The following ANK3 variants were observed in gnomAD, a reference collection of about 807,000 sequenced individuals.
ANK3 encodes the protein ankyrin 3.
In ANK3, 57 loss-of-function variants were observed where a neutral mutation model predicts 370.9. The observed-to-expected ratio is 0.15, with a 90% CI of 0.12 to 0.19. The LOEUF (loss-of-function observed/expected upper bound fraction) is 0.19. Ranked by LOEUF, ANK3 falls within the 10% of genes least tolerant of loss-of-function variation. The pLI is 1.00. For synonymous variants in ANK3, 1,929 were observed against 1,946.3 expected (o/e 0.99, Z 0.23); for missense variants, 4,439 against 5,302.1 (o/e 0.84, Z 5.06).
At chr10:60,118,149 T>C (rs1271165523) in intron 25 of ANK3, among the ~76,000 whole-genome samples, 2 of 152,150 alleles carry the variant, frequency 1.3e-5, no homozygotes, top group African/African-American at 2.4e-5. Flanking sequence ...GGACTGAAGG[T>C]GTATATGGGG....
At position 60,075,272 on chromosome 10, in the gene ANK3, C is replaced by T. The variant is rs1188891485; in HGVS notation, c.5609G>A (p.Ser1870Asn). Residue 1870 changes from serine (S) to asparagine (N), a missense_variant, in exon 37 of 44, where the codon AGT (serine) becomes AAT (asparagine). This residue lies in a region of ANK3 where 679 missense variants were observed against 791.0 expected (regional missense o/e 0.86). Coordinates refer to ENST00000280772, the MANE Select transcript of ANK3 (RefSeq NM_020987.5). ...TGACTTAACTGGAGATGAAGTTCGA[C>T]TGAAGTGAGGCTGAGGATGTGTCTC... ...TTETHPQPHF[S>N]RTSSPVKSSL... is the part of the protein sequence containing the mutation. 1.2e-6 allele frequency: 2 copies of T among 1,614,170 alleles called. No individual in the cohort carries two copies. The highest frequency in any genetic ancestry group is 1.7e-6 in the Non-Finnish European group (2 of 1,180,018).
intron 2 of ANK3, among the ~76,000 whole-genome samples, chr10:60,606,170 T>G (rs2078125893): frequency 6.6e-6 from 1 of 152,152 alleles, no homozygotes; most frequent in Non-Finnish European, 1.5e-5. Flanking sequence ...TCTTCTCAGT[T>G]CCCTATACTT....
intron 2 of ANK3, among the ~76,000 whole-genome samples, chr10:60,450,257 G>A (rs922611747): frequency 1.3e-5 from 2 of 152,106 alleles, no homozygotes; most frequent in Non-Finnish European, 2.9e-5. Context: ...TTACACCACC[G>A]CACTCCAGCT....
intron 2 of ANK3, among the ~76,000 whole-genome samples, chr10:60,487,585 A>G (rs1055207652): frequency 7.2e-5 from 9 of 124,882 alleles, no homozygotes; most frequent in Non-Finnish European, 1.6e-4. Context: ...GGTAAAATGC[A>G]TATCTCTGGG....
chr10:60,252,183 C>T (rs1451201078), intron 7 of ANK3, among the ~76,000 whole-genome samples: 1 of 152,154 alleles, frequency 6.6e-6, no homozygotes, highest in Non-Finnish European at 1.5e-5. Flanking sequence ...ACTCTAGGTA[C>T]CCCTTTGCCC....
intron 42 of ANK3, among the ~76,000 whole-genome samples, chr10:60,051,779 CTG>C (rs1278659441): frequency 2.6e-5 from 3 of 114,336 alleles, no homozygotes; most frequent in East Asian, 3.1e-4. Context: ...TGAAATTACT[CTG>C]TGCATGTGTG....
intron 32 of ANK3, chr10:60,083,823 T>C (rs989600859): frequency 3.2e-5 from 14 of 439,780 alleles, no homozygotes; most frequent in East Asian, 7.9e-5. Flanking sequence ...ATCATGGACA[T>C]ATACAGAACA....
rs189027671 is a variant in ANK3 at position 60,590,089 on chromosome 10, C to T, written c.96+25097G>A. 4.8e-4 allele frequency among the ~76,000 whole-genome samples: 73 copies of T among 152,292 alleles called. 1 individual carries two copies. The East Asian group carries it at 8.5e-3, about 18-fold the overall frequency. ...TTATTCTATTTCTGTATTTCTCCTT[C>T]CAGGTGAGGATCTGAGAATAGTCCA... On this transcript the variant is annotated intron_variant, in intron 2 of 43. Coordinates refer to the ANK3 transcript ENST00000373827.
chr10:60,463,748 T>C (rs1192370506), intron 2 of ANK3, among the ~76,000 whole-genome samples: 1 of 152,026 alleles, frequency 6.6e-6, no homozygotes, highest in Non-Finnish European at 1.5e-5. Flanking sequence ...AGATTTTCTT[T>C]ACACTTTTCA....
At chr10:60,059,263 C>T in intron 41 of ANK3, 77 bp downstream of exon 41, 1 of 1,250,624 alleles carries the variant, frequency 8.0e-7, no homozygotes, top group Non-Finnish European at 1.2e-6. Context: ...AAGAAGTCAC[C>T]ACTAAAAAGC....
At chr10:60,709,143 C>CA (rs1328945064) in intron 1 of ANK3, among the ~76,000 whole-genome samples, 1 of 152,110 alleles carries the variant, frequency 6.6e-6, no homozygotes, top group Admixed American at 6.5e-5. Flanking sequence ...TTTGAAGAGA[C>CA]ATAGCAAGCA....
intron 28 of ANK3, among the ~76,000 whole-genome samples, chr10:60,105,075 G>A (rs1364178145): frequency 6.6e-6 from 1 of 152,170 alleles, no homozygotes; most frequent in Non-Finnish European, 1.5e-5. Context: ...TATGGAATAT[G>A]AATTATATCT....
chr10:60,537,579 A>C (rs2076752919), intron 2 of ANK3, among the ~76,000 whole-genome samples: 2 of 152,038 alleles, frequency 1.3e-5, no homozygotes, highest in African/African-American at 4.8e-5. Context: ...ACAGTACCCC[A>C]ACTCACTGGC....
intron 1 of ANK3, among the ~76,000 whole-genome samples, chr10:60,365,190 C>T (rs1417128472): frequency 6.6e-6 from 1 of 150,858 alleles, no homozygotes; most frequent in Non-Finnish European, 1.5e-5. Flanking sequence ...TTATAAAGAT[C>T]TTTTAGCCTT....
At chr10:60,338,395 A>G (rs748234942) in intron 1 of ANK3, among the ~76,000 whole-genome samples, 3 of 152,158 alleles carry the variant, frequency 2.0e-5, no homozygotes, top group Non-Finnish European at 4.4e-5. Context: ...CCTGGACTGG[A>G]GCTCAAGAAT....
intron 2 of ANK3, among the ~76,000 whole-genome samples, chr10:60,577,106 C>T (rs376498254): frequency 1.3e-5 from 2 of 152,216 alleles, no homozygotes; most frequent in East Asian, 1.9e-4. Flanking sequence ...TTACTTTGCA[C>T]TACTTTGTGC....
chr10:60,638,289 G>A (rs2078582704), intron 1 of ANK3, among the ~76,000 whole-genome samples: 1 of 152,078 alleles, frequency 6.6e-6, no homozygotes, highest in Non-Finnish European at 1.5e-5. Flanking sequence ...GCGATATTGG[G>A]TAGACCTCAA....
chr10:60,438,741 T>C (rs1479997869), intron 2 of ANK3, among the ~76,000 whole-genome samples: 1 of 152,218 alleles, frequency 6.6e-6, no homozygotes, highest in African/African-American at 2.4e-5. Context: ...AGAATAATTG[T>C]GTTCTCTATA....
At chr10:60,502,985 T>C (rs2075844483) in intron 2 of ANK3, among the ~76,000 whole-genome samples, 1 of 152,024 alleles carries the variant, frequency 6.6e-6, no homozygotes, top group African/African-American at 2.4e-5. Context: ...GCAAGCATAC[T>C]CTCTGGTTCA....
Sources: gnomAD v4.1 joint callset for allele counts (sites outside exome capture counted in the v4.1 genomes callset) on GRCh38, gnomAD v4.1.1 for gene constraint, gnomAD v4.1.1 regional missense constraint, MANE v1.5 for transcripts, NCBI Gene and HGNC (gene_info 2026-07-23, HGNC 2026-07-21) for gene names.